The following SPAG16 variants were observed in gnomAD, a reference collection of about 807,000 sequenced individuals.
The protein encoded by SPAG16 is sperm-associated antigen 16 protein.
In SPAG16, 86 loss-of-function variants were observed where a neutral mutation model predicts 80.4. That is an observed-to-expected ratio of 1.07 (90% CI 0.90 to 1.28). The LOEUF (loss-of-function observed/expected upper bound fraction) is 1.28. Ranked by LOEUF, SPAG16 falls within the 50% of genes most tolerant of loss-of-function variation. The probability of loss-of-function intolerance (pLI) is 0.00; values close to 1 mark genes in which losing one functional copy is unlikely to be tolerated. For synonymous variants in SPAG16, 294 were observed against 265.9 expected, an observed-to-expected ratio of 1.11 and a Z score of -1.03; for missense variants, 870 against 765.3, an observed-to-expected ratio of 1.14 and a Z score of -1.61.
intron 10 of SPAG16, among the ~76,000 whole-genome samples, chr2:213,670,950 C>T (rs1310210276): frequency 6.6e-6 from 1 of 152,168 alleles, no homozygotes; most frequent in East Asian, 1.9e-4. Context: ...CTAATTATTT[C>T]CAGAGACCTG....
chr2:213,351,105 C>T (rs963344902), intron 7 of SPAG16, among the ~76,000 whole-genome samples: 2 of 152,076 alleles, frequency 1.3e-5, no homozygotes, highest in African/African-American at 4.8e-5. Flanking sequence ...GGCCCCATAC[C>T]ACTGCACTCT....
chr2:213,334,194 G>T (rs2064239037), intron 5 of SPAG16, among the ~76,000 whole-genome samples: 2 of 152,056 alleles, frequency 1.3e-5, no homozygotes, highest in Admixed American at 1.3e-4. Context: ...ATGGCAAACA[G>T]GTATATGAGA....
intron 15 of SPAG16, among the ~76,000 whole-genome samples, chr2:214,406,392 T>G (rs1379040083): frequency 6.6e-6 from 1 of 152,172 alleles, no homozygotes; most frequent in African/African-American, 2.4e-5. Flanking sequence ...TATGCTAGTT[T>G]ATATAAAGTG....
chr2:214,381,470 T>C (rs2126108622), intron 15 of SPAG16, among the ~76,000 whole-genome samples: 1 of 152,342 alleles, frequency 6.6e-6, no homozygotes, highest in South Asian at 2.1e-4. Context: ...AGTAAAATAT[T>C]TTTGGAATGC....
intron 12 of SPAG16, among the ~76,000 whole-genome samples, chr2:213,964,356 A>C (rs1422729768): frequency 6.6e-6 from 1 of 152,014 alleles, no homozygotes; most frequent in Non-Finnish European, 1.5e-5. Context: ...TATTTGCCTG[A>C]TGTCACTTGT....
chr2:213,552,361 T>G (rs146228136), intron 10 of SPAG16, among the ~76,000 whole-genome samples: 1 of 152,296 alleles, frequency 6.6e-6, no homozygotes, highest in East Asian at 1.9e-4. Flanking sequence ...GAGCCCTGCT[T>G]CTTCATGCTA....
At chr2:213,671,721 A>G (rs1185763047) in intron 10 of SPAG16, among the ~76,000 whole-genome samples, 11 of 152,180 alleles carry the variant, frequency 7.2e-5, no homozygotes, top group Admixed American at 6.5e-4. Flanking sequence ...CACCTTTGGT[A>G]TAATCAGTTA....
At chr2:213,765,018 C>T (rs917899917) in intron 10 of SPAG16, among the ~76,000 whole-genome samples, 8 of 152,084 alleles carry the variant, frequency 5.3e-5, no homozygotes, top group Admixed American at 6.6e-5. Flanking sequence ...TTTCCACTTC[C>T]GGCCACTGAA....
intron 15 of SPAG16, among the ~76,000 whole-genome samples, chr2:214,205,963 G>A (rs72944060): frequency 0.016 from 2,501 of 152,128 alleles, 30 homozygotes; most frequent in South Asian, 0.027. Context: ...GAGAGGCCGA[G>A]GTGGGCAGAT....
chr2:213,982,871 A>T (rs1168483842), intron 12 of SPAG16, among the ~76,000 whole-genome samples: 1 of 152,020 alleles, frequency 6.6e-6, no homozygotes, highest in East Asian at 1.9e-4. Flanking sequence ...GTAAGTCATT[A>T]AAAAGTCATA....
At chr2:214,019,484 G>A (rs999757632) in intron 13 of SPAG16, among the ~76,000 whole-genome samples, 12 of 152,082 alleles carry the variant, frequency 7.9e-5, no homozygotes, top group African/African-American at 2.2e-4. Context: ...GACTAACTGC[G>A]GGCACTTGTC....
At chr2:214,005,046 G>A (rs1213679464) in intron 12 of SPAG16, among the ~76,000 whole-genome samples, 1 of 152,018 alleles carries the variant, frequency 6.6e-6, no homozygotes, top group Non-Finnish European at 1.5e-5. Flanking sequence ...GATGTAGGAA[G>A]TGTTGAGTTA....
At chr2:213,878,510 G>T (rs1421313346) in intron 11 of SPAG16, among the ~76,000 whole-genome samples, 4 of 151,894 alleles carry the variant, frequency 2.6e-5, no homozygotes, top group Non-Finnish European at 5.9e-5. Context: ...GGGAATTTTT[G>T]TTATTGCGGA....
intron 10 of SPAG16, among the ~76,000 whole-genome samples, chr2:213,675,413 G>T (rs1010424496): frequency 2.4e-4 from 36 of 152,236 alleles, no homozygotes; most frequent in Admixed American, 7.9e-4. Context: ...GTCAATTTTG[G>T]CTTTTGTTGC....
chr2:213,366,658 T>C (rs750152873), intron 8 of SPAG16, among the ~76,000 whole-genome samples: 1 of 152,154 alleles, frequency 6.6e-6, no homozygotes, highest in Non-Finnish European at 1.5e-5. Flanking sequence ...GTCCCTCCCT[T>C]GACACATGGG....
chr2:213,847,919 C>A (rs1348214553), intron 10 of SPAG16, among the ~76,000 whole-genome samples: 1 of 151,858 alleles, frequency 6.6e-6, no homozygotes. Context: ...GGAGGCAGTG[C>A]CGTATGTTAT....
intron 15 of SPAG16, among the ~76,000 whole-genome samples, chr2:214,405,825 A>T (rs1050828863): frequency 6.6e-6 from 1 of 152,132 alleles, no homozygotes; most frequent in Non-Finnish European, 1.5e-5. Context: ...GAAAATCCCA[A>T]TTCAACCTTC....
intron 15 of SPAG16, among the ~76,000 whole-genome samples, chr2:214,289,593 C>T (rs1248918754): frequency 6.6e-6 from 1 of 152,132 alleles, no homozygotes; most frequent in African/African-American, 2.4e-5. Flanking sequence ...TGTGTCTGCT[C>T]TTATAACAAA....
intron 10 of SPAG16, among the ~76,000 whole-genome samples, chr2:213,592,554 A>G (rs1048320534): frequency 6.6e-6 from 1 of 152,260 alleles, no homozygotes; most frequent in Admixed American, 6.5e-5. Flanking sequence ...TAATATCTAA[A>G]AAACATCCCG....
Sources: gnomAD v4.1 joint callset for allele counts (sites outside exome capture counted in the v4.1 genomes callset) on GRCh38, gnomAD v4.1.1 for gene constraint, MANE v1.5 for transcripts, NCBI Gene and HGNC (gene_info 2026-07-23, HGNC 2026-07-21) for gene names.